The following SERF2 variants were observed in gnomAD, a reference collection of about 807,000 sequenced individuals.
SERF2 encodes the protein gastric cancer-related protein VRG107.
Under a neutral mutation model 10.7 loss-of-function variants are expected in SERF2, and 4 were observed. The observed-to-expected ratio is 0.37, with a 90% confidence interval of 0.18 to 0.86. The LOEUF (loss-of-function observed/expected upper bound fraction) is 0.86. Ranked by LOEUF, SERF2 falls within the 40% of genes least tolerant of loss-of-function variation. SERF2 has a pLI of 0.43. For synonymous variants in SERF2, 26 were observed against 26.0 expected (o/e 1.00, Z 0.01); for missense variants, 47 against 79.1 (o/e 0.59, Z 1.54).
At chr15:43,779,985 AATT>A (rs1048848688) in intron 1 of SERF2, among the ~76,000 whole-genome samples, 1 of 152,212 alleles carries the variant, frequency 6.6e-6, no homozygotes, top group Admixed American at 6.5e-5. Context: ...CACACTTTGT[AATT>A]ATAATTGATA....
Position 43,795,326 on chromosome 15 carries a change from AT to A in SERF2, c.*1555del. 6.2e-7 allele frequency: 1 copy of A among 1,605,324 alleles called. No homozygotes were observed. Among genetic ancestry groups the A allele is most frequent in the Non-Finnish European group, 8.5e-7 (1 of 1,172,570 alleles). On this transcript the variant is annotated 3_prime_UTR_variant, in exon 3 of 3. Coordinates refer to ENST00000249786, the MANE Select transcript of SERF2 (RefSeq NM_001018108.4). ...CCATGTGTGTCTGGAATGGCCTTGA[AT>A]TGCTCTTTCCTTAAAATAGCTAGCT... is the stretch of plus-strand genomic sequence containing the variant.
intron 2 of SERF2, among the ~76,000 whole-genome samples, chr15:43,786,996 G>GT (rs1477836320): frequency 2.2e-4 from 19 of 87,200 alleles, no homozygotes; most frequent in East Asian, 5.6e-4. Context: ...GCCTGGGTTC[G>GT]TTTTTTTGTT....
At chr15:43,782,945 A>G (rs139209034) in intron 1 of SERF2, among the ~76,000 whole-genome samples, 2,213 of 150,118 alleles carry the variant, frequency 0.015, 59 homozygotes, top group African/African-American at 0.053. Context: ...CCTGGGTTCA[A>G]GCAATTCTCG....
chr15:43,791,570 G>T (rs1173180879), upstream of SERF2, among the ~76,000 whole-genome samples: 1 of 152,210 alleles, frequency 6.6e-6, no homozygotes, highest in East Asian at 1.9e-4. Context: ...GTGGCTGGTG[G>T]CGATGGTACA....
Position 43,794,922 on chromosome 15 carries a change from T to C in SERF2, c.*1149T>C, listed in dbSNP as rs577023776. ...TAACTCCCTGTGTGTCCTTGAGGTA[T>C]TGAGCTGGGCTGGACAGCTCCCCTT... On this transcript the variant is annotated 3_prime_UTR_variant, in exon 3 of 3. Transcript: ENST00000249786. 2.1e-5 allele frequency: 23 copies of C among 1,107,648 alleles called. 1 individual carries two copies. In the South Asian group the frequency reaches 2.3e-4, roughly 11 times the overall value. 68.6% of individuals were successfully genotyped at this position (1,107,648 alleles called of 1,614,324 possible).
upstream of SERF2, chr15:43,792,316 C>T (rs1436862816): frequency 7.0e-7 from 1 of 1,426,778 alleles, no homozygotes; most frequent in South Asian, 1.1e-5. Flanking sequence ...GGGGCGGGAC[C>T]TGCAACGTCC....
At chr15:43,785,113 G>A (rs1478593749) in intron 1 of SERF2, among the ~76,000 whole-genome samples, 1 of 144,444 alleles carries the variant, frequency 6.9e-6, no homozygotes, top group African/African-American at 2.6e-5. Flanking sequence ...CTGCTGCCCA[G>A]GCTGGAGTGC....
chr15:43,795,419 A>C lies in SERF2; in HGVS notation c.*1646A>C. 6.2e-7 allele frequency: 1 copy of C among 1,614,184 alleles called. No individual in the cohort carries two copies. The highest frequency in any genetic ancestry group is 8.5e-7 in the Non-Finnish European group (1 of 1,180,032). ...CAGTTGGTAAGGGTAACCATGACAT[A>C]GAGTGAGGCAAGGAAGAAGACGAAG... On this transcript the variant is annotated 3_prime_UTR_variant, in exon 3 of 3. Coordinates refer to ENST00000249786, the MANE Select transcript of SERF2 (RefSeq NM_001018108.4).
rs1312883202 is a variant in SERF2 at position 43,795,383 on chromosome 15, C to T, written c.*1610C>T. ...GGAGAGTATCTAAGGCCCACTCCAT[C>T]TTACCTGAACCAGTTGGTAAGGGTA... is the stretch of plus-strand genomic sequence containing the variant. On this transcript the variant is annotated 3_prime_UTR_variant, in exon 3 of 3. Coordinates refer to ENST00000249786, the MANE Select transcript of SERF2 (RefSeq NM_001018108.4). 1 of 1,614,184 alleles carries T rather than the reference C, an allele frequency of 6.2e-7. No individual in the cohort carries two copies. Among genetic ancestry groups the T allele is most frequent in the South Asian group, 1.1e-5 (1 of 91,082 alleles).
chr15:43,795,556 T>C lies in SERF2; in HGVS notation c.*1783T>C. 3 of 1,613,990 alleles carry C rather than the reference T, an allele frequency of 1.9e-6. No individual in the cohort carries two copies. The highest frequency in any genetic ancestry group is 4.5e-5 in the East Asian group (2 of 44,880). On this transcript the variant is annotated 3_prime_UTR_variant, in exon 3 of 3. Transcript: ENST00000249786. ...ACCCCTTTGCCCTGGAGAGAGGAAA[T>C]GGCTGCTGGGAGCAGAGCTGCTGAA...
chr15:43,795,174 A>T lies in SERF2; in HGVS notation c.*1401A>T. 6.2e-7 allele frequency: 1 copy of T among 1,614,108 alleles called. No homozygotes were observed. On this transcript the variant is annotated 3_prime_UTR_variant, in exon 3 of 3. Coordinates refer to ENST00000249786, the MANE Select transcript of SERF2 (RefSeq NM_001018108.4). ...CCTTGACCCAGAAGGTGGCCCAGCTACCCTTGATGAAGGTCTTTTCCAGTT... is the reference window on the plus strand; with the variant it reads ...CCTTGACCCAGAAGGTGGCCCAGCTTCCCTTGATGAAGGTCTTTTCCAGTT...
intron 1 of SERF2, among the ~76,000 whole-genome samples, chr15:43,782,169 G>A (rs1010225504): frequency 2.6e-5 from 4 of 152,278 alleles, no homozygotes; most frequent in Non-Finnish European, 5.9e-5. Flanking sequence ...GATTACAAGC[G>A]TGAGCCACCA....
In SERF2 at chr15:43,794,929, G is replaced by A. The variant is rs1213083326; in HGVS notation, c.*1156G>A. 8.2e-7 allele frequency: 1 copy of A among 1,218,976 alleles called. No homozygotes were observed. The highest frequency in any genetic ancestry group is 1.2e-6 in the Non-Finnish European group (1 of 855,772). 75.5% of individuals were successfully genotyped at this position (1,218,976 alleles called of 1,614,324 possible). ...CTGTGTGTCCTTGAGGTATTGAGCT[G>A]GGCTGGACAGCTCCCCTTGAGCCAA... On this transcript the variant is annotated 3_prime_UTR_variant, in exon 3 of 3. Coordinates refer to ENST00000249786, the MANE Select transcript of SERF2 (RefSeq NM_001018108.4).
chr15:43,783,008 CTTTTTTTTTT>C (rs61152230), intron 1 of SERF2, among the ~76,000 whole-genome samples: 1 of 99,820 alleles, frequency 1.0e-5, no homozygotes, highest in African/African-American at 4.4e-5. Flanking sequence ...CCACACCTGG[CTTTTTTTTTT>C]TTTTTTTTGA....
intron 2 of SERF2, chr15:43,793,332 C>T (rs1237642042): frequency 1.7e-5 from 10 of 576,266 alleles, no homozygotes; most frequent in Non-Finnish European, 3.1e-5. Flanking sequence ...ACCTTAAGGG[C>T]AAGGGCAGGG....
intron 1 of SERF2, among the ~76,000 whole-genome samples, chr15:43,785,124 A>C (rs1322314290): frequency 1.4e-5 from 2 of 147,080 alleles, no homozygotes; most frequent in Non-Finnish European, 3.0e-5. Flanking sequence ...GCTGGAGTGC[A>C]GTGGAGCAAT....
chr15:43,795,171 G>C lies in SERF2; in HGVS notation c.*1398G>C. The C allele has an allele frequency of 6.2e-7, 1 of 1,614,164 alleles. No individual in the cohort carries two copies. The highest frequency in any genetic ancestry group is 1.1e-5 in the South Asian group (1 of 91,086). The stretch of plus-strand genomic sequence containing the variant: ...CAACCTTGACCCAGAAGGTGGCCCA[G>C]CTACCCTTGATGAAGGTCTTTTCCA... On this transcript the variant is annotated 3_prime_UTR_variant, in exon 3 of 3. Coordinates refer to ENST00000249786, the MANE Select transcript of SERF2 (RefSeq NM_001018108.4).
chr15:43,789,693 T>C (rs2087036887), upstream of SERF2, among the ~76,000 whole-genome samples: 1 of 152,158 alleles, frequency 6.6e-6, no homozygotes, highest in South Asian at 2.1e-4. Context: ...TATTTTCCTT[T>C]AAAGCTATTA....
In SERF2 at chr15:43,792,400, C is replaced by T. The variant is rs2087081270; in HGVS notation, c.7+17C>T. 6.2e-7 allele frequency: 1 copy of T among 1,613,964 alleles called. No individual in the cohort carries two copies. Among genetic ancestry groups the T allele is most frequent in the Non-Finnish European group, 8.5e-7 (1 of 1,179,846 alleles). ...CCATGACCCGTGAGCACCGAGCCCC[C>T]TTCTCCTTGCCCTTTTCTTTCCGTT... is the stretch of plus-strand genomic sequence containing the variant. On this transcript the variant is annotated intron_variant, in intron 1 of 2. Coordinates refer to ENST00000249786, the MANE Select transcript of SERF2 (RefSeq NM_001018108.4).
Sources: gnomAD v4.1 joint callset for allele counts (sites outside exome capture counted in the v4.1 genomes callset) on GRCh38, gnomAD v4.1.1 for gene constraint, MANE v1.5 for transcripts, NCBI Gene and HGNC (gene_info 2026-07-23, HGNC 2026-07-21) for gene names.